DENND1B: variants seen among roughly 807,000 people sequenced by gnomAD.
The protein encoded by DENND1B is DENN domain containing 1B.
In DENND1B, 59 loss-of-function variants were observed where a neutral mutation model predicts 90.1. That is an observed-to-expected ratio of 0.65 (90% CI 0.53 to 0.81). The LOEUF (loss-of-function observed/expected upper bound fraction) is 0.81, where lower values mean the gene tolerates loss of function less well. DENND1B is among the 40% of genes least tolerant of loss of function. DENND1B has a pLI of 0.00. For missense variants in DENND1B, 862 were observed against 912.6 expected (o/e 0.94, Z 0.71); for synonymous variants, 337 against 324.6 (o/e 1.04, Z -0.41).
chr1:197,679,550 T>C (rs1486983055), intron 3 of DENND1B, among the ~76,000 whole-genome samples: 3 of 151,428 alleles, frequency 2.0e-5, no homozygotes, highest in Non-Finnish European at 4.4e-5. Context: ...TTGGTATCCA[T>C]GGGGATCCCA....
At chr1:197,695,810 T>C (rs1474029119) in intron 3 of DENND1B, among the ~76,000 whole-genome samples, 1 of 151,234 alleles carries the variant, frequency 6.6e-6, no homozygotes, top group Non-Finnish European at 1.5e-5. Flanking sequence ...AGTATTAGAA[T>C]TTAATAAATT....
At chr1:197,622,545 G>C (rs1678267338) in intron 10 of DENND1B, among the ~76,000 whole-genome samples, 1 of 151,374 alleles carries the variant, frequency 6.6e-6, no homozygotes, top group African/African-American at 2.4e-5. Context: ...TGCATCTTTG[G>C]ACCGGACAAT....
Position 197,613,305 on chromosome 1 carries a change from T to C in DENND1B, c.774-1329A>G, listed in dbSNP as rs77785219. ...ATCTATATATCCAGAATTTACAAAA[T>C]AAGTGTTAAAGTTCTTATTTTACTC... On this transcript the variant is annotated intron_variant, in intron 11 of 22. Coordinates refer to ENST00000620048, the MANE Select transcript of DENND1B (RefSeq NM_001195215.2). Among the ~76,000 whole-genome samples the C allele has an allele frequency of 5.4e-3, 813 of 150,944 alleles. 10 individuals carry two copies. The highest frequency in any genetic ancestry group is 0.018 in the African/African-American group (757 of 41,390).
intron 20 of DENND1B, among the ~76,000 whole-genome samples, chr1:197,515,076 A>G (rs979093764): frequency 2.6e-5 from 4 of 151,644 alleles, no homozygotes; most frequent in Admixed American, 2.6e-4. Flanking sequence ...CCCAATCTAG[A>G]TAATTGTCTT....
intron 3 of DENND1B, among the ~76,000 whole-genome samples, chr1:197,702,095 C>T (rs1207298897): frequency 6.6e-6 from 1 of 152,152 alleles, no homozygotes; most frequent in Non-Finnish European, 1.5e-5. Flanking sequence ...ATTAAAGACA[C>T]TGTTCTGACT....
intron 3 of DENND1B, among the ~76,000 whole-genome samples, chr1:197,680,582 G>A (rs576376067): frequency 6.6e-6 from 1 of 152,136 alleles, no homozygotes; most frequent in Non-Finnish European, 1.5e-5. Context: ...TTCAAAACTA[G>A]GGAGACTTGA....
intron 2 of DENND1B, among the ~76,000 whole-genome samples, chr1:197,742,931 A>C (rs61829347): frequency 2.6e-5 from 4 of 152,198 alleles, no homozygotes; most frequent in Non-Finnish European, 4.4e-5. Flanking sequence ...AGACAGAACA[A>C]GCAGATAAAA....
intron 3 of DENND1B, among the ~76,000 whole-genome samples, chr1:197,684,932 C>A (rs1657076048): frequency 6.6e-6 from 1 of 152,048 alleles, no homozygotes. Flanking sequence ...GCCTGGGCAA[C>A]ATGGTAAAAC....
chr1:197,751,350 C>A (rs1424560439), intron 2 of DENND1B, among the ~76,000 whole-genome samples: 3 of 152,122 alleles, frequency 2.0e-5, no homozygotes, highest in Non-Finnish European at 4.4e-5. Flanking sequence ...AAAGAAGTCA[C>A]AAGTGAAACT....
chr1:197,688,260 G>T (rs1657468166), intron 3 of DENND1B, among the ~76,000 whole-genome samples: 1 of 152,020 alleles, frequency 6.6e-6, no homozygotes, highest in Non-Finnish European at 1.5e-5. Context: ...GCAATCTACA[G>T]ATTCAATGCA....
At chr1:197,719,243 G>GT (rs1354718940) in intron 2 of DENND1B, among the ~76,000 whole-genome samples, 4 of 152,098 alleles carry the variant, frequency 2.6e-5, no homozygotes, top group Non-Finnish European at 5.9e-5. Context: ...TTAAGCTAGA[G>GT]ATATTTGTTT....
chr1:197,542,509 ATGATG>A (rs2125659450), intron 18 of DENND1B, among the ~76,000 whole-genome samples: 1 of 152,302 alleles, frequency 6.6e-6, no homozygotes, highest in South Asian at 2.1e-4. Flanking sequence ...TATAACTCCA[ATGATG>A]AGTATAAGGC....
chr1:197,585,347 A>G (rs538901581), intron 14 of DENND1B, among the ~76,000 whole-genome samples: 1 of 152,396 alleles, frequency 6.6e-6, no homozygotes, highest in Admixed American at 6.5e-5. Flanking sequence ...CATCACTGCT[A>G]TTACAAAGTA....
chr1:197,540,894 G>C (rs938263217), intron 19 of DENND1B, 65 bp downstream of exon 19: 133 of 1,429,802 alleles, frequency 9.3e-5, no homozygotes, highest in Admixed American at 4.5e-4. Flanking sequence ...TTTCTAATTT[G>C]GAAGTATAAA....
chr1:197,767,967 G>A (rs1408944001), intron 2 of DENND1B, among the ~76,000 whole-genome samples: 2 of 152,148 alleles, frequency 1.3e-5, no homozygotes. Flanking sequence ...ACTACCCTGC[G>A]CAAGTTTCAT....
intron 2 of DENND1B, among the ~76,000 whole-genome samples, chr1:197,757,868 A>G (rs958039799): frequency 2.6e-5 from 4 of 152,168 alleles, no homozygotes; most frequent in East Asian, 3.8e-4. Flanking sequence ...CTCTCAACTA[A>G]TATTTCCTTT....
At chr1:197,522,470 C>A (rs1405716791) in intron 20 of DENND1B, among the ~76,000 whole-genome samples, 1 of 152,056 alleles carries the variant, frequency 6.6e-6, no homozygotes, top group East Asian at 1.9e-4. Context: ...TTTCAGAATC[C>A]TTGTCAGTTT....
chr1:197,613,317 T>A (rs10922266), intron 11 of DENND1B, among the ~76,000 whole-genome samples: 74,275 of 150,462 alleles, frequency 0.49, 18,640 homozygotes, highest in East Asian at 0.66. Flanking sequence ...AGTGTTAAAG[T>A]TCTTATTTTA....
At chr1:197,536,145 A>ATAGAT (rs1669873550) in intron 20 of DENND1B, among the ~76,000 whole-genome samples, 1 of 119,356 alleles carries the variant, frequency 8.4e-6, no homozygotes, top group African/African-American at 3.3e-5. Context: ...AGATTGAGAG[A>ATAGAT]GAGAGAGAGA....
Sources: gnomAD v4.1 joint callset for allele counts (sites outside exome capture counted in the v4.1 genomes callset) on GRCh38, gnomAD v4.1.1 for gene constraint, MANE v1.5 for transcripts, NCBI Gene and HGNC (gene_info 2026-07-23, HGNC 2026-07-21) for gene names.